BCLAF1: variants seen among roughly 807,000 people sequenced by gnomAD.
BCLAF1 encodes BCL2 associated transcription factor 1.
Under a neutral mutation model 99.5 loss-of-function variants are expected in BCLAF1, and 10 were observed. The ratio of observed to expected loss-of-function variants is 0.10; its 90% confidence interval spans 0.06 to 0.17. BCLAF1 has a LOEUF of 0.17. Among genes scored for constraint, BCLAF1 ranks in the 10% least tolerant of loss-of-function variants. The pLI is 1.00. For synonymous variants in BCLAF1, 255 were observed against 370.9 expected (o/e 0.69, Z 3.59); for missense variants, 636 against 1,105.8 (o/e 0.58, Z 6.02).
At chr6:136,271,369 T>A (rs1359519422) in intron 8 of BCLAF1, among the ~76,000 whole-genome samples, 1 of 151,854 alleles carries the variant, frequency 6.6e-6, no homozygotes, top group Non-Finnish European at 1.5e-5. Context: ...AAAGGTCATT[T>A]TGAATTGTCA....
rs886312900 is a variant in BCLAF1, at chr6:136,257,900, A to T, written c.*3210T>A. On this transcript the variant is annotated 3_prime_UTR_variant, in exon 13 of 13. Coordinates refer to ENST00000531224, the MANE Select transcript of BCLAF1 (RefSeq NM_014739.3). Reference sequence around the variant, plus strand: ...AAGAAAAATAAGAAAAGTTAAACAAATGTTAATAATGCAGCATACTTTTAT... The same window carrying T: ...AAGAAAAATAAGAAAAGTTAAACAATTGTTAATAATGCAGCATACTTTTAT... 6.6e-6 allele frequency: 1 copy of T among 152,192 alleles called. No homozygotes were observed. Among genetic ancestry groups the T allele is most frequent in the African/African-American group, 2.4e-5 (1 of 41,474 alleles). 9.4% of individuals were successfully genotyped at this position (152,192 alleles called of 1,614,324 possible). A position where few individuals can be genotyped will look rare whatever the true frequency, so the allele number is the denominator to read the frequency against.
At chr6:136,266,977 T>TA in intron 11 of BCLAF1, 52 bp downstream of exon 11, 1 of 1,597,800 alleles carries the variant, frequency 6.3e-7, no homozygotes, top group South Asian at 1.1e-5. Context: ...ATTCACCTAG[T>TA]ATGCTTCGAA....
At chr6:136,284,199 T>C (rs1426659532) in intron 1 of BCLAF1, among the ~76,000 whole-genome samples, 2 of 148,906 alleles carry the variant, frequency 1.3e-5, no homozygotes, top group East Asian at 2.0e-4. Flanking sequence ...TACTCCGTCA[T>C]GGTATTTTGA....
intron 6 of BCLAF1, chr6:136,273,858 G>T: frequency 1.7e-6 from 1 of 590,324 alleles, no homozygotes; most frequent in Non-Finnish European, 2.3e-6. Context: ...AAGATATGTT[G>T]TAAATGTAAA....
rs80096523 is a variant in BCLAF1 at position 136,271,766 on chromosome 6, T to C, written c.2043+229A>G. On this transcript the variant is annotated intron_variant, in intron 8 of 12. Transcript: ENST00000531224. ...ACACTTTTCTTAGGACTATTTTTTT[T>C]CCTTTCATTAGTGTTTTGAAAAAAC... is the stretch of plus-strand genomic sequence containing the variant. Among the ~76,000 whole-genome samples the C allele has an allele frequency of 8.9e-3, 1,351 of 151,796 alleles. 7 individuals carry two copies. Among genetic ancestry groups the C allele is most frequent in the Middle Eastern group, 0.017 (5 of 294 alleles).
At chr6:136,274,559 G>T (rs1470576652) in intron 6 of BCLAF1, among the ~76,000 whole-genome samples, 1 of 151,948 alleles carries the variant, frequency 6.6e-6, no homozygotes, top group Non-Finnish European at 1.5e-5. Context: ...ACTATTCACT[G>T]TTCTGATGTA....
rs563973336 is a variant in BCLAF1, at chr6:136,279,963, G to A, written c.-10-87C>T. On this transcript the variant is annotated intron_variant, in intron 2 of 12. Coordinates refer to ENST00000531224, the MANE Select transcript of BCLAF1 (RefSeq NM_014739.3). Reference sequence around the variant, plus strand: ...TATTACTTATTTTCAGATAAAATTTGATTTTTACAAGTTTCTCAAAGGCTA... The same window carrying A: ...TATTACTTATTTTCAGATAAAATTTAATTTTTACAAGTTTCTCAAAGGCTA... 5 of 1,273,530 alleles carry A rather than the reference G, an allele frequency of 3.9e-6. No homozygotes were observed. The Admixed American group carries it at 1.1e-4, about 28-fold the overall frequency. The allele number at this position is 1,273,530 out of a possible 1,614,324, so 78.9% of individuals were successfully genotyped here. A position where few individuals can be genotyped will look rare whatever the true frequency, so the allele number is the denominator to read the frequency against.
rs958132017 is a variant in BCLAF1 at position 136,268,299 on chromosome 6, A to C, written c.2260T>G (p.Ser754Ala). The change falls in exon 10 of 13, where the codon TCT becomes GCT. Residue 754 changes from serine (S) to alanine (A), a missense_variant. By Grantham distance (99) the Ser-to-Ala change is moderately conservative (BLOSUM62 1). Transcript: ENST00000531224. ...REQDHSRSSS[S>A]SASPSSPSSR... is the part of the protein sequence containing the mutation. ...CTGGGAGAAGAAGGTGATGCTGAAGAGGATGAAGATCGAGAATGATCTTGC... is the reference window on the plus strand; with the variant it reads ...CTGGGAGAAGAAGGTGATGCTGAAGCGGATGAAGATCGAGAATGATCTTGC... 1.2e-6 allele frequency: 2 copies of C among 1,607,802 alleles called. No homozygotes were observed. The highest frequency in any genetic ancestry group is 2.7e-5 in the African/African-American group (2 of 74,538).
Position 136,289,702 on chromosome 6 carries a change from G to C in BCLAF1, c.-115+11C>G, listed in dbSNP as rs1277818426. On this transcript the variant is annotated intron_variant, in intron 1 of 12. Transcript: ENST00000531224. ...GCCCCTGGAGTAACTTGAATACATTGCGAGGCCTACCTGACACGCCGAATC... is the reference window on the plus strand; with the variant it reads ...GCCCCTGGAGTAACTTGAATACATTCCGAGGCCTACCTGACACGCCGAATC... The C allele has an allele frequency of 6.6e-6, 1 of 152,658 alleles. No individual in the cohort carries two copies. Among genetic ancestry groups the C allele is most frequent in the African/African-American group, 2.4e-5 (1 of 41,472 alleles). The allele number at this position is 152,658 out of a possible 1,614,324, so 9.5% of individuals were successfully genotyped here.
intron 11 of BCLAF1, among the ~76,000 whole-genome samples, chr6:136,262,430 C>CT (rs34588131): frequency 6.6e-6 from 1 of 151,914 alleles, no homozygotes; most frequent in South Asian, 2.1e-4. Context: ...GCCACTAAAA[C>CT]TTTTTTTTAC....
At chr6:136,267,979 C>T (rs1781955410) in intron 10 of BCLAF1, among the ~76,000 whole-genome samples, 183 bp downstream of exon 10, 1 of 151,852 alleles carries the variant, frequency 6.6e-6, no homozygotes, top group Non-Finnish European at 1.5e-5. Flanking sequence ...TGCTTCTAGA[C>T]CTCAAAATGG....
At chr6:136,280,270 T>C (rs980174472) in intron 2 of BCLAF1, among the ~76,000 whole-genome samples, 3 of 152,122 alleles carry the variant, frequency 2.0e-5, no homozygotes, top group Non-Finnish European at 4.4e-5. Flanking sequence ...ATAAGGCAAC[T>C]GAAATAAAAT....
At chr6:136,265,565 A>C (rs1781601954) in intron 11 of BCLAF1, among the ~76,000 whole-genome samples, 1 of 152,164 alleles carries the variant, frequency 6.6e-6, no homozygotes, top group Non-Finnish European at 1.5e-5. Flanking sequence ...AAGACCTTTC[A>C]CACTGACTCC....
Position 136,267,090 on chromosome 6 carries a change from T to A in BCLAF1, c.2483A>T (p.Lys828Met). ...GPNNSNTTFQ[K>M]RPKEEEWDPE... ...ATCCCATTCCTCTTCCTTCGGTCTC[T>A]TTTGAAAAGTAGTATTTGAGTTGTT... The change falls in exon 11 of 13, where the codon AAG becomes ATG. Residue 828 changes from lysine to methionine, a missense_variant. Transcript: ENST00000531224. The A allele has an allele frequency of 6.2e-7, 1 of 1,613,336 alleles. No individual in the cohort carries two copies. The highest frequency in any genetic ancestry group is 8.5e-7 in the Non-Finnish European group (1 of 1,179,472).
Position 136,261,110 on chromosome 6 carries a change from T to C in BCLAF1, c.2763A>G (p.Ter921=). 1.3e-6 allele frequency: 2 copies of C among 1,578,882 alleles called. No homozygotes were observed. The highest frequency in any genetic ancestry group is 2.2e-5 in the East Asian group (1 of 44,616). Residue 921 remains the stop codon, a stop_retained_variant, in exon 13 of 13, where the codon TAA becomes TAG. Coordinates refer to ENST00000531224, the MANE Select transcript of BCLAF1 (RefSeq NM_014739.3). ...CTGTTGTAATCTTACTTCATATTTA[T>C]TATTCCTAAAAGAGAGAGAAAAAAT... is the stretch of plus-strand genomic sequence containing the variant. The part of the protein sequence containing the change: ...KKDRRKEEKE[*]
In BCLAF1 at chr6:136,278,170, A is replaced by C. The variant is rs1404068444; in HGVS notation, c.711T>G (p.Ser237Arg). 6.2e-7 allele frequency: 1 copy of C among 1,613,476 alleles called. No homozygotes were observed. Among genetic ancestry groups the C allele is most frequent in the South Asian group, 1.1e-5 (1 of 91,036 alleles). ...HSPSPIATPPSQSSSCSDAPM... is the reference protein window; with the variant it reads ...HSPSPIATPPRQSSSCSDAPM... ...GAGCATCAGAGCAAGATGAACTCTG[A>C]CTAGGTGGTGTAGCAATAGGTGAAG... Residue 237 changes from serine to arginine, a missense_variant, in exon 4 of 13, where the codon AGT becomes AGG. Around this residue, in one of 9 missense-constraint regions of BCLAF1, gnomAD observed 65 missense variants for 90.9 expected, o/e 0.71. Coordinates refer to ENST00000531224, the MANE Select transcript of BCLAF1 (RefSeq NM_014739.3).
At chr6:136,285,095 G>A (rs1784957230) in intron 1 of BCLAF1, among the ~76,000 whole-genome samples, 1 of 152,192 alleles carries the variant, frequency 6.6e-6, no homozygotes, top group Non-Finnish European at 1.5e-5. Context: ...GAATGGACCA[G>A]ATGAAATAGC....
In BCLAF1 at chr6:136,260,914, C is replaced by CT; in HGVS notation, c.*195dup. The stretch of plus-strand genomic sequence containing the variant: ...AAATATGGTACGTAACAATTTTCTA[C>CT]TTTATTTCAGTACAATTTTCAACAT... On this transcript the variant is annotated 3_prime_UTR_variant, in exon 13 of 13. Transcript: ENST00000531224. 1.8e-6 allele frequency: 1 copy of CT among 562,456 alleles called. No homozygotes were observed. The highest frequency in any genetic ancestry group is 3.0e-6 in the Non-Finnish European group (1 of 331,362). The allele number at this position is 562,456 out of a possible 1,614,324, so 34.8% of individuals were successfully genotyped here.
At chr6:136,268,481 C>G in intron 9 of BCLAF1, 142 bp from the exon 10 acceptor site, 1 of 766,898 alleles carries the variant, frequency 1.3e-6, no homozygotes, top group East Asian at 2.7e-5. Context: ...GGGTGTTAAA[C>G]TTTGACACAG....
Sources: allele counts gnomAD v4.1 joint callset (sites outside exome capture counted in the v4.1 genomes callset), GRCh38; gene constraint gnomAD v4.1.1; regional missense constraint gnomAD v4.1.1; transcripts MANE v1.5; gene names NCBI Gene and HGNC (gene_info 2026-07-23, HGNC 2026-07-21).